Variants in SULT1E1 observed in about 807,000 individuals in gnomAD.
The protein encoded by SULT1E1 is sulfotransferase family 1E member 1.
SULT1E1 carries 36 observed loss-of-function variants against 33.6 expected under a neutral mutation model. That is an observed-to-expected ratio of 1.07 (90% CI 0.82 to 1.41). The LOEUF (loss-of-function observed/expected upper bound fraction) is 1.41. Ranked by LOEUF, SULT1E1 falls within the 40% of genes most tolerant of loss-of-function variation. SULT1E1 has a pLI of 0.00. For missense variants in SULT1E1, 371 were observed against 345.7 expected (o/e 1.07, Z -0.58); for synonymous variants, 121 against 111.7 (o/e 1.08, Z -0.53).
chr4:69,824,848 T>A, the SULT1E1 span, among the ~76,000 whole-genome samples: 1 of 152,170 alleles, frequency 6.6e-6, no homozygotes, highest in Non-Finnish European at 1.5e-5. Context: ...GAATAAAAGC[T>A]GGCCACCAGA....
chr4:69,854,434 TG>T, intron 3 of SULT1E1, 120 bp from the exon 4 acceptor site: 3 of 632,986 alleles, frequency 4.7e-6, no homozygotes, highest in Non-Finnish European at 7.6e-6. Context: ...TTAGATTGTG[TG>T]TAACACAAAG....
intron 1 of SULT1E1, among the ~76,000 whole-genome samples, chr4:69,858,642 A>G (rs1721302288): frequency 6.6e-6 from 1 of 151,780 alleles, no homozygotes; most frequent in South Asian, 2.1e-4. Context: ...CCTTAGGACA[A>G]TCTCAACTTT....
the SULT1E1 span, among the ~76,000 whole-genome samples, chr4:69,828,668 C>A: frequency 9.8e-5 from 15 of 152,346 alleles, no homozygotes; most frequent in African/African-American, 3.6e-4. Flanking sequence ...ACACTAGGAA[C>A]TCTCTTATTT....
At chr4:69,837,630 A>G (rs1720815676), downstream of SULT1E1, among the ~76,000 whole-genome samples, 1 of 152,182 alleles carries the variant, frequency 6.6e-6, no homozygotes. Flanking sequence ...TCAAACCCTA[A>G]AGACAAAAAA....
chr4:69,840,907 G>A (rs1245005782), downstream of SULT1E1, among the ~76,000 whole-genome samples: 1 of 152,046 alleles, frequency 6.6e-6, no homozygotes, highest in Non-Finnish European at 1.5e-5. Context: ...TTAGCCGGGC[G>A]TGGTGGCGGC....
chr4:69,825,764 G>A, the SULT1E1 span, among the ~76,000 whole-genome samples: 3 of 152,072 alleles, frequency 2.0e-5, no homozygotes, highest in East Asian at 1.9e-4. Flanking sequence ...AAGTCATGTC[G>A]CCTAAGTGAG....
At chr4:69,835,014 CAA>C in the SULT1E1 span, among the ~76,000 whole-genome samples, 1 of 152,128 alleles carries the variant, frequency 6.6e-6, no homozygotes, top group African/African-American at 2.4e-5. Context: ...TTAATGCTCT[CAA>C]GTTTCTTTAC....
At chr4:69,833,402 A>G in the SULT1E1 span, among the ~76,000 whole-genome samples, 1 of 152,194 alleles carries the variant, frequency 6.6e-6, no homozygotes, top group Non-Finnish European at 1.5e-5. Flanking sequence ...GTAATTTCCT[A>G]ATAACAGACT....
At chr4:69,831,782 AG>A in the SULT1E1 span, among the ~76,000 whole-genome samples, 1 of 152,094 alleles carries the variant, frequency 6.6e-6, no homozygotes, top group African/African-American at 2.4e-5. Context: ...TGCTGCAGCC[AG>A]GGGGCAGCTC....
In SULT1E1 at chr4:69,844,336, G is replaced by T; in HGVS notation, c.597C>A (p.Ile199=). 6.2e-7 allele frequency: 1 copy of T among 1,610,244 alleles called. No individual in the cohort carries two copies. The highest frequency in any genetic ancestry group is 8.5e-7 in the Non-Finnish European group (1 of 1,177,712). ...GTATCAATTTTATCACCTCTTTTCT[G>T]ATATCCTAGGGAGAGAAAATGTTTT... The part of the protein sequence containing the change: ...FLFYEDLKED[I]RKEVIKLIHF... Residue 199 remains isoleucine (I), a synonymous_variant, in exon 7 of 8, where the codon ATC becomes ATA. Transcript: ENST00000226444.
At chr4:69,834,834 G>A in the SULT1E1 span, among the ~76,000 whole-genome samples, 5,193 of 152,158 alleles carry the variant, frequency 0.034, 274 homozygotes, top group African/African-American at 0.12. Context: ...ATATCTTGCA[G>A]TCACAGGGAA....
At chr4:69,833,720 A>G in the SULT1E1 span, among the ~76,000 whole-genome samples, 1 of 152,122 alleles carries the variant, frequency 6.6e-6, no homozygotes, top group South Asian at 2.1e-4. Flanking sequence ...CCACTCTTTC[A>G]CACTTTCACA....
chr4:69,837,949 A>T (rs1277288318), downstream of SULT1E1, among the ~76,000 whole-genome samples: 1 of 152,200 alleles, frequency 6.6e-6, no homozygotes, highest in Non-Finnish European at 1.5e-5. Context: ...GTATTTTATT[A>T]TATGTGTAAT....
downstream of SULT1E1, among the ~76,000 whole-genome samples, chr4:69,838,040 T>C (rs1251656401): frequency 6.6e-6 from 1 of 152,200 alleles, no homozygotes; most frequent in African/African-American, 2.4e-5. Flanking sequence ...GGCCATTCCT[T>C]CTAAATTGTC....
downstream of SULT1E1, among the ~76,000 whole-genome samples, chr4:69,837,446 C>A (rs1431993725): frequency 6.6e-6 from 1 of 151,910 alleles, no homozygotes; most frequent in Non-Finnish European, 1.5e-5. Flanking sequence ...CAATCAAGAT[C>A]TTTTTATGGA....
At chr4:69,833,243 T>C in the SULT1E1 span, among the ~76,000 whole-genome samples, 1 of 152,166 alleles carries the variant, frequency 6.6e-6, no homozygotes, top group Non-Finnish European at 1.5e-5. Flanking sequence ...GATATGAGGA[T>C]TAAAATGTAA....
Position 69,849,494 on chromosome 4 carries a change from C to T in SULT1E1, c.439G>A (p.Gly147Ser). ...GGAAAGGATCCAGGATTTGGATGAC[C>T]AGCCACCATTAGAAAGAAATAATAA... ...SFYYFFLMVA[G>S]HPNPGSFPEF... is the part of the protein sequence containing the mutation. The change falls in exon 5 of 8, where the codon GGT (glycine) becomes AGT (serine). Residue 147 changes from glycine to serine, a missense_variant. By Grantham distance (56) the Gly-to-Ser change is moderately conservative (BLOSUM62 0). Coordinates refer to ENST00000226444, the MANE Select transcript of SULT1E1 (RefSeq NM_005420.3). 1 of 1,611,602 alleles carries T rather than the reference C, an allele frequency of 6.2e-7. No homozygotes were observed. The highest frequency in any genetic ancestry group is 8.5e-7 in the Non-Finnish European group (1 of 1,178,262).
chr4:69,856,340 T>G (rs1721235726), intron 2 of SULT1E1, among the ~76,000 whole-genome samples: 1 of 152,182 alleles, frequency 6.6e-6, no homozygotes. Context: ...TATATTATAT[T>G]AAGCAGAAGA....
At chr4:69,853,699 T>A (rs1420777765) in intron 4 of SULT1E1, among the ~76,000 whole-genome samples, 1 of 152,190 alleles carries the variant, frequency 6.6e-6, no homozygotes, top group Non-Finnish European at 1.5e-5. Flanking sequence ...TGTGTCTTAC[T>A]CTTATGTCCC....
Sources: gnomAD v4.1 joint callset for allele counts (sites outside exome capture counted in the v4.1 genomes callset) on GRCh38, gnomAD v4.1.1 for gene constraint, MANE v1.5 for transcripts, NCBI Gene and HGNC (gene_info 2026-07-23, HGNC 2026-07-21) for gene names.